LINGO2: variants seen among roughly 807,000 people sequenced by gnomAD.
LINGO2 encodes leucine rich repeat and Ig domain containing 2.
LINGO2 carries 14 observed loss-of-function variants against 30.6 expected under a neutral mutation model. That is an observed-to-expected ratio of 0.46 (90% CI 0.30 to 0.72). The LOEUF (loss-of-function observed/expected upper bound fraction) is 0.72. LINGO2 is among the 30% of genes least tolerant of loss of function. The pLI is 0.07. For missense variants in LINGO2, 729 were observed against 751.7 expected (o/e 0.97, Z 0.35); for synonymous variants, 317 against 288.5 (o/e 1.10, Z -1.00).
intron 1 of LINGO2, among the ~76,000 whole-genome samples, chr9:28,551,037 A>T (rs1271520517): frequency 2.0e-5 from 3 of 151,900 alleles, no homozygotes; most frequent in Non-Finnish European, 4.4e-5. Context: ...TTCAGAGTAT[A>T]TTAACATTCA....
chr9:28,649,208 A>G (rs1463622615), intron 1 of LINGO2, among the ~76,000 whole-genome samples: 1 of 152,178 alleles, frequency 6.6e-6, no homozygotes, highest in East Asian at 1.9e-4. Context: ...AGTAAAAAGC[A>G]TACTCCCAGA....
intron 2 of LINGO2, among the ~76,000 whole-genome samples, chr9:28,386,421 A>G (rs1442838809): frequency 6.6e-6 from 1 of 152,162 alleles, no homozygotes; most frequent in Non-Finnish European, 1.5e-5. Context: ...TCCTGTTCCT[A>G]CTCAACCAGT....
intron 3 of LINGO2, among the ~76,000 whole-genome samples, chr9:28,303,875 C>T (rs1824242303): frequency 6.6e-6 from 1 of 151,984 alleles, no homozygotes; most frequent in South Asian, 2.1e-4. Context: ...GGAGAACCAA[C>T]ACACTGGGTA....
intron 2 of LINGO2, among the ~76,000 whole-genome samples, chr9:28,387,791 A>G (rs1821653477): frequency 6.6e-6 from 1 of 152,136 alleles, no homozygotes; most frequent in Admixed American, 6.5e-5. Context: ...ATGAACTGTA[A>G]CACTCACTGC....
chr9:28,341,797 T>C (rs1338592830), intron 3 of LINGO2, among the ~76,000 whole-genome samples: 2 of 152,286 alleles, frequency 1.3e-5, no homozygotes, highest in Non-Finnish European at 2.9e-5. Context: ...TTGTTTCCAT[T>C]CTACCATAAG....
chr9:28,911,598 G>A, the LINGO2 span, among the ~76,000 whole-genome samples: 2 of 152,010 alleles, frequency 1.3e-5, no homozygotes, highest in East Asian at 1.9e-4. Context: ...TAATATGAAA[G>A]TGCCTCAGCC....
At chr9:28,740,894 T>C in the LINGO2 span, among the ~76,000 whole-genome samples, 1 of 151,980 alleles carries the variant, frequency 6.6e-6, no homozygotes, top group East Asian at 1.9e-4. Flanking sequence ...ATTCCTCATA[T>C]CTAACTGAAT....
In LINGO2 at chr9:28,178,653, G is replaced by C. The variant is rs529508107; in HGVS notation, c.-87+116555C>G. Among the ~76,000 whole-genome samples, 72 of 152,244 alleles carry C rather than the reference G, an allele frequency of 4.7e-4. 1 individual carries two copies. The highest frequency in any genetic ancestry group is 1.6e-3 in the African/African-American group (65 of 41,558). On this transcript the variant is annotated intron_variant, in intron 4 of 5. Transcript: ENST00000379992. ...TCAGAAGTTAAAGTTGACACTGAAA[G>C]TTACGGTTTCTTTAGACTGTGCATT...
intron 4 of LINGO2, among the ~76,000 whole-genome samples, chr9:28,165,208 CT>C (rs1828393564): frequency 6.6e-6 from 1 of 152,210 alleles, no homozygotes; most frequent in Admixed American, 6.5e-5. Context: ...TTTACAATTC[CT>C]TTAAAGAACA....
chr9:28,942,025 G>T, the LINGO2 span, among the ~76,000 whole-genome samples: 2 of 152,062 alleles, frequency 1.3e-5, no homozygotes, highest in Non-Finnish European at 2.9e-5. Flanking sequence ...TTTTGTTCCT[G>T]ACTCTTCCCT....
chr9:28,429,587 G>C (rs1432888018), intron 2 of LINGO2, among the ~76,000 whole-genome samples: 1 of 152,094 alleles, frequency 6.6e-6, no homozygotes, highest in African/African-American at 2.4e-5. Context: ...ACCTTTTTCA[G>C]TTGAGACACC....
At chr9:28,836,642 T>A in the LINGO2 span, among the ~76,000 whole-genome samples, 1 of 151,902 alleles carries the variant, frequency 6.6e-6, no homozygotes, top group Non-Finnish European at 1.5e-5. Flanking sequence ...TTTTTTAAAA[T>A]TTTTATTCAA....
At chr9:29,073,315 C>T in the LINGO2 span, among the ~76,000 whole-genome samples, 2 of 151,832 alleles carry the variant, frequency 1.3e-5, no homozygotes, top group Non-Finnish European at 2.9e-5. Context: ...TAATGTATTG[C>T]CATACATTTG....
chr9:28,432,102 G>C (rs1026393455), intron 2 of LINGO2, among the ~76,000 whole-genome samples: 3 of 152,072 alleles, frequency 2.0e-5, no homozygotes, highest in African/African-American at 7.2e-5. Context: ...GCACTGTAGG[G>C]TCATACGAAA....
At chr9:28,163,360 A>G (rs1034625724) in intron 4 of LINGO2, among the ~76,000 whole-genome samples, 20 of 152,194 alleles carry the variant, frequency 1.3e-4, no homozygotes, top group African/African-American at 4.3e-4. Context: ...AGAGGTTAGT[A>G]ATAACTAGAC....
chr9:28,102,567 T>A (rs1189899445), intron 4 of LINGO2, among the ~76,000 whole-genome samples: 1 of 151,862 alleles, frequency 6.6e-6, no homozygotes, highest in Non-Finnish European at 1.5e-5. Flanking sequence ...AGGATCAATG[T>A]GAGAGACTGC....
downstream of LINGO2, among the ~76,000 whole-genome samples, chr9:27,945,229 C>G (rs1183187586): frequency 6.6e-6 from 1 of 152,114 alleles, no homozygotes; most frequent in African/African-American, 2.4e-5. Flanking sequence ...AGATCACATT[C>G]TCTCTTTTGT....
intron 4 of LINGO2, among the ~76,000 whole-genome samples, chr9:28,150,662 GTTC>G: frequency 6.6e-6 from 1 of 152,200 alleles, no homozygotes. Context: ...TCTTCAATCA[GTTC>G]TTCTTTTTCC....
chr9:29,071,154 T>G, the LINGO2 span, among the ~76,000 whole-genome samples: 1 of 137,752 alleles, frequency 7.3e-6, no homozygotes, highest in Admixed American at 7.6e-5. Flanking sequence ...TCACAGAGAA[T>G]TATTGTATTG....
Sources: gnomAD v4.1 joint callset for allele counts (sites outside exome capture counted in the v4.1 genomes callset) on GRCh38, gnomAD v4.1.1 for gene constraint, MANE v1.5 for transcripts, NCBI Gene and HGNC (gene_info 2026-07-23, HGNC 2026-07-21) for gene names.